NRG3: variants seen among roughly 807,000 people sequenced by gnomAD.
NRG3 encodes the protein pro-neuregulin-3, membrane-bound isoform.
In NRG3, 31 loss-of-function variants were observed where a neutral mutation model predicts 66.9. That is an observed-to-expected ratio of 0.46 (90% CI 0.35 to 0.63). NRG3 has a LOEUF of 0.63. Among genes scored for constraint, NRG3 ranks in the 20% least tolerant of loss-of-function variants. The pLI is 0.00. For missense variants in NRG3, 910 were observed against 878.9 expected (o/e 1.04, Z -0.45); for synonymous variants, 393 against 359.4 (o/e 1.09, Z -1.06).
At chr10:81,947,344 A>G (rs1043784395) in intron 1 of NRG3, among the ~76,000 whole-genome samples, 1 of 152,152 alleles carries the variant, frequency 6.6e-6, no homozygotes, top group African/African-American at 2.4e-5. Context: ...ATAAGATTGC[A>G]TTCTAAGGTA....
At chr10:82,149,730 T>TCCCA (rs2132755877) in intron 1 of NRG3, among the ~76,000 whole-genome samples, 1 of 150,452 alleles carries the variant, frequency 6.6e-6, no homozygotes, top group South Asian at 2.1e-4. Context: ...TTCTAAAGCC[T>TCCCA]CCCAGTAGAA....
intron 2 of NRG3, among the ~76,000 whole-genome samples, chr10:82,657,509 TG>T (rs1194049519): frequency 2.0e-5 from 3 of 152,208 alleles, no homozygotes; most frequent in African/African-American, 7.2e-5. Flanking sequence ...CCCATGGTGA[TG>T]GCTTTGTGCA....
rs1589667185 is a variant in NRG3 at position 82,307,418 on chromosome 10, G to A, written c.824-51321G>A. Among the ~76,000 whole-genome samples, 2 of 152,060 alleles carry A rather than the reference G, an allele frequency of 1.3e-5. 1 individual carries two copies. ...AGACAGAATTTGACATGAAGTCACT[G>A]GTTCATATTTTTTTCATTGTGTATA... On this transcript the variant is annotated intron_variant, in intron 1 of 8. Coordinates refer to ENST00000372141, the MANE Select transcript of NRG3 (RefSeq NM_001010848.4).
chr10:82,654,288 A>T (rs1474436525), intron 2 of NRG3, among the ~76,000 whole-genome samples: 1 of 152,156 alleles, frequency 6.6e-6, no homozygotes, highest in African/African-American at 2.4e-5. Context: ...TTAAGATTCC[A>T]TGCAAATCAT....
intron 4 of NRG3, among the ~76,000 whole-genome samples, chr10:82,899,459 C>T (rs549648310): frequency 6.6e-5 from 10 of 152,156 alleles, no homozygotes; most frequent in Admixed American, 6.5e-4. Flanking sequence ...TATATCAGTA[C>T]ATAAATAGTG....
chr10:82,779,990 C>T (rs539263961), intron 3 of NRG3, among the ~76,000 whole-genome samples: 8 of 150,402 alleles, frequency 5.3e-5, no homozygotes, highest in South Asian at 4.2e-4. Flanking sequence ...TCTGTTCTTG[C>T]GTTAGTTTGC....
At chr10:82,740,514 A>G (rs1240044770) in intron 3 of NRG3, among the ~76,000 whole-genome samples, 1 of 152,130 alleles carries the variant, frequency 6.6e-6, no homozygotes, top group Non-Finnish European at 1.5e-5. Flanking sequence ...ACCTATTTCA[A>G]TGTCTATTAA....
intron 1 of NRG3, among the ~76,000 whole-genome samples, chr10:82,037,015 A>G (rs1212648892): frequency 6.6e-6 from 1 of 152,154 alleles, no homozygotes; most frequent in African/African-American, 2.4e-5. Context: ...ATAATCACCA[A>G]CATAGTTTCT....
chr10:82,227,053 G>C lies in NRG3; in HGVS notation c.824-131686G>C, dbSNP rs955573295. On this transcript the variant is annotated intron_variant, in intron 1 of 8. Coordinates refer to ENST00000372141, the MANE Select transcript of NRG3 (RefSeq NM_001010848.4). The stretch of plus-strand genomic sequence containing the variant: ...AATCCACTAAGAGTCACATGTTGGC[G>C]GTATGTATGACATGTTCATGTCTGT... Among the ~76,000 whole-genome samples, 5 of 152,068 alleles carry C rather than the reference G, an allele frequency of 3.3e-5. No homozygotes were observed. In the East Asian group the frequency reaches 9.6e-4, roughly 29 times the overall value.
intron 1 of NRG3, among the ~76,000 whole-genome samples, chr10:82,250,570 A>G (rs1037083965): frequency 6.6e-5 from 10 of 152,152 alleles, no homozygotes; most frequent in Admixed American, 6.6e-5. Context: ...CTTGGGCAAC[A>G]AGAGCGAAAC....
In NRG3 at chr10:82,555,973, A is replaced by T. The variant is rs367634400; in HGVS notation, c.954-182604A>T. On this transcript the variant is annotated intron_variant, in intron 2 of 8. Coordinates refer to ENST00000372141, the MANE Select transcript of NRG3 (RefSeq NM_001010848.4). ...AACCTCCTCTCTTCATTCTTCAACC[A>T]TTGCAACTTGGATTTCTCTCAGACC... is the stretch of plus-strand genomic sequence containing the variant. Among the ~76,000 whole-genome samples the T allele has an allele frequency of 6.6e-5, 10 of 152,140 alleles. 1 individual carries two copies. The highest frequency in any genetic ancestry group is 2.4e-4 in the African/African-American group (10 of 41,510).
chr10:82,865,547 T>C lies in NRG3; in HGVS notation c.1054+110T>C, dbSNP rs1840631904. 4.5e-6 allele frequency: 5 copies of C among 1,109,362 alleles called. No homozygotes were observed. In the South Asian group the frequency reaches 8.0e-5, roughly 18 times the overall value. 68.7% of individuals were successfully genotyped at this position (1,109,362 alleles called of 1,614,324 possible). A position where few individuals can be genotyped will look rare whatever the true frequency, so the allele number is the denominator to read the frequency against. On this transcript the variant is annotated intron_variant, in intron 4 of 8. Coordinates refer to ENST00000372141, the MANE Select transcript of NRG3 (RefSeq NM_001010848.4). ...ATAATTGAAATGTCTCATTATCAGA[T>C]GCTATTAGTAGGAAAAAATACTCTT...
At chr10:82,076,250 CTG>C (rs1018590611) in intron 1 of NRG3, among the ~76,000 whole-genome samples, 37 of 152,290 alleles carry the variant, frequency 2.4e-4, no homozygotes, top group African/African-American at 8.4e-4. Flanking sequence ...CAAACATAAA[CTG>C]TGTCCCGCGT....
chr10:82,964,778 G>T (rs1270236717), intron 6 of NRG3, among the ~76,000 whole-genome samples: 1 of 152,156 alleles, frequency 6.6e-6, no homozygotes, highest in Non-Finnish European at 1.5e-5. Context: ...ATTGCCTAGG[G>T]TTCCAGACCA....
intron 1 of NRG3, among the ~76,000 whole-genome samples, chr10:82,134,307 T>C (rs1190752128): frequency 6.6e-6 from 1 of 152,212 alleles, no homozygotes; most frequent in Admixed American, 6.6e-5. Context: ...GCGATTTCTT[T>C]TGGTGTCTGT....
intron 1 of NRG3, among the ~76,000 whole-genome samples, chr10:82,283,496 A>G (rs2079235398): frequency 2.0e-5 from 3 of 152,194 alleles, no homozygotes; most frequent in Admixed American, 1.3e-4. Context: ...AATATAGTTC[A>G]ACCTATATAT....
intron 3 of NRG3, among the ~76,000 whole-genome samples, chr10:82,823,351 A>G (rs1009449658): frequency 6.6e-6 from 1 of 152,202 alleles, no homozygotes; most frequent in East Asian, 1.9e-4. Context: ...AGAACAAAGC[A>G]GGGATAGGCT....
At chr10:82,852,520 C>T (rs1332203301) in intron 3 of NRG3, among the ~76,000 whole-genome samples, 2 of 151,894 alleles carry the variant, frequency 1.3e-5, no homozygotes, top group Admixed American at 6.6e-5. Flanking sequence ...AGAAAATTAG[C>T]TCACCTCTCT....
intron 1 of NRG3, among the ~76,000 whole-genome samples, chr10:81,960,010 C>T (rs1850203854): frequency 6.6e-6 from 1 of 151,918 alleles, no homozygotes; most frequent in African/African-American, 2.4e-5. Context: ...GAATTTGTTT[C>T]TAGATTTTCT....
Sources: allele counts gnomAD v4.1 joint callset (sites outside exome capture counted in the v4.1 genomes callset), GRCh38; gene constraint gnomAD v4.1.1; transcripts MANE v1.5; gene names NCBI Gene and HGNC (gene_info 2026-07-23, HGNC 2026-07-21).